The following MIA2 variants were observed in gnomAD, a reference collection of about 807,000 sequenced individuals.
The protein encoded by MIA2 is melanoma inhibitory activity protein 2.
A neutral mutation model predicts 167.8 loss-of-function variants in MIA2; 127 were observed. That is an observed-to-expected ratio of 0.76 (90% confidence interval 0.66 to 0.88). MIA2 has a LOEUF of 0.88. MIA2 is among the 40% of genes least tolerant of loss of function. The probability of loss-of-function intolerance (pLI) is 0.00; values close to 1 mark genes in which losing one functional copy is unlikely to be tolerated. For missense variants in MIA2, 1,690 were observed against 1,624.7 expected (o/e 1.04, Z -0.69); for synonymous variants, 552 against 541.9 (o/e 1.02, Z -0.26).
chr14:39,266,963 ACAG>A, intron 6 of MIA2: 1 of 692,536 alleles, frequency 1.4e-6, no homozygotes, highest in Non-Finnish European at 1.8e-6. Flanking sequence ...GGCTCACACG[ACAG>A]CGCGGAGTAT....
chr14:39,247,850 G>C lies in MIA2; in HGVS notation c.1276G>C (p.Glu426Gln). 2 of 1,587,000 alleles carry C rather than the reference G, an allele frequency of 1.3e-6. No individual in the cohort carries two copies. The highest frequency in any genetic ancestry group is 1.7e-6 in the Non-Finnish European group (2 of 1,172,790). The stretch of plus-strand genomic sequence containing the variant: ...TGAATTAGACCCTGAAAAAGAACAA[G>C]AAATAGAAACGATAAAAATTATAGA... The part of the protein sequence containing the change: ...TSELDPEKEQ[E>Q]IETIKIIETE... The change falls in exon 4 of 29, where the codon GAA (glutamate) becomes CAA (glutamine). Residue 426 changes from glutamate to glutamine, a missense_variant. Transcript: ENST00000640607.
intron 9 of MIA2, among the ~76,000 whole-genome samples, chr14:39,284,413 T>A (rs1480492059): frequency 6.6e-6 from 1 of 152,330 alleles, no homozygotes; most frequent in Non-Finnish European, 1.5e-5. Flanking sequence ...GTCTGTGTAT[T>A]TGTTTTTATA....
At chr14:39,322,614 CA>C (rs1342374895) in intron 24 of MIA2, among the ~76,000 whole-genome samples, 2 of 128,762 alleles carry the variant, frequency 1.6e-5, no homozygotes, top group African/African-American at 5.0e-5. Flanking sequence ...ATAGGTACCT[CA>C]GGCCTAATCA....
intron 6 of MIA2, chr14:39,266,637 G>A (rs530245022): frequency 2.0e-6 from 2 of 985,478 alleles, no homozygotes; most frequent in South Asian, 4.7e-5. Context: ...GTCCGGACGT[G>A]GTTGGCAGGG....
intron 25 of MIA2, among the ~76,000 whole-genome samples, chr14:39,332,102 C>T (rs946057747): frequency 6.6e-6 from 1 of 152,318 alleles, no homozygotes; most frequent in African/African-American, 2.4e-5. Context: ...TTGGTCTTTT[C>T]ACATAGTCCC....
chr14:39,302,861 T>A (rs1164327945), intron 15 of MIA2, among the ~76,000 whole-genome samples: 1 of 152,180 alleles, frequency 6.6e-6, no homozygotes, highest in Non-Finnish European at 1.5e-5. Flanking sequence ...AGAGGTCCCA[T>A]GTACCCCTCT....
intron 26 of MIA2, 72 bp downstream of exon 26, chr14:39,346,098 A>G: frequency 7.7e-7 from 1 of 1,302,138 alleles, no homozygotes. Context: ...GTTAGAATAA[A>G]GACCAATATA....
chr14:39,346,964 C>A, intron 26 of MIA2: 1 of 273,872 alleles, frequency 3.7e-6, no homozygotes, highest in Non-Finnish European at 7.3e-6. Context: ...GACAGAGTCT[C>A]TGTTGCCCAG....
chr14:39,300,287 C>T (rs917268921), intron 14 of MIA2, among the ~76,000 whole-genome samples: 10 of 151,826 alleles, frequency 6.6e-5, no homozygotes, highest in African/African-American at 2.4e-4. Context: ...GCTATCTGCT[C>T]CTGTTAGGAG....
intron 18 of MIA2, 73 bp downstream of exon 18, chr14:39,308,660 T>A: frequency 1.7e-6 from 2 of 1,152,552 alleles, no homozygotes; most frequent in Non-Finnish European, 2.4e-6. Flanking sequence ...CATAGTTAGC[T>A]ATAGTGATTA....
chr14:39,385,491 C>T, intron 23 of MIA2: 1 of 917,124 alleles, frequency 1.1e-6, no homozygotes, highest in South Asian at 1.3e-5. Flanking sequence ...TCTTGCTCTC[C>T]TGTGTCACAG....
intron 12 of MIA2, 67 bp from the exon 13 acceptor site, chr14:39,294,858 G>A (rs1171499477): frequency 8.0e-6 from 8 of 1,004,184 alleles, no homozygotes; most frequent in Admixed American, 3.8e-5. Context: ...GTTCTAGGGA[G>A]TATGTGTAAA....
chr14:39,290,669 T>C (rs537532030), intron 9 of MIA2, among the ~76,000 whole-genome samples: 22 of 152,338 alleles, frequency 1.4e-4, no homozygotes, highest in African/African-American at 4.8e-4. Flanking sequence ...ATACGCTCTT[T>C]GAGTAAATCT....
intron 6 of MIA2, among the ~76,000 whole-genome samples, chr14:39,263,590 T>C (rs1312533970): frequency 6.6e-6 from 1 of 151,232 alleles, no homozygotes; most frequent in Non-Finnish European, 1.5e-5. Flanking sequence ...TTCCTCTTAT[T>C]TTCTCTTTTC....
At chr14:39,293,158 A>T (rs2060959529) in intron 10 of MIA2, 113 bp from the exon 11 acceptor site, 3 of 759,650 alleles carry the variant, frequency 3.9e-6, no homozygotes, top group Non-Finnish European at 6.5e-6. Context: ...AAAATGAGCA[A>T]ATGTATAAAT....
chr14:39,244,374 T>A (rs900171751), intron 3 of MIA2, among the ~76,000 whole-genome samples: 1 of 152,178 alleles, frequency 6.6e-6, no homozygotes, highest in Non-Finnish European at 1.5e-5. Flanking sequence ...GGGGTATTTC[T>A]GAGCCCCAAC....
chr14:39,326,726 G>C (rs996582336), intron 24 of MIA2, 138 bp from the exon 25 acceptor site: 1 of 534,216 alleles, frequency 1.9e-6, no homozygotes, highest in Non-Finnish European at 3.0e-6. Context: ...AGGAATCATA[G>C]CAATTTACTT....
At chr14:39,291,603 C>CT (rs1048031169) in intron 10 of MIA2, among the ~76,000 whole-genome samples, 13 of 151,714 alleles carry the variant, frequency 8.6e-5, no homozygotes, top group East Asian at 5.8e-4. Context: ...TGTTTGACAA[C>CT]TTTTTTTTTA....
intron 25 of MIA2, among the ~76,000 whole-genome samples, chr14:39,330,193 T>C (rs551595128): frequency 6.6e-6 from 1 of 152,314 alleles, no homozygotes; most frequent in South Asian, 2.1e-4. Flanking sequence ...TGGTTTAGTC[T>C]TGTGAGGGTG....
Sources: allele counts gnomAD v4.1 joint callset (sites outside exome capture counted in the v4.1 genomes callset), GRCh38; gene constraint gnomAD v4.1.1; transcripts MANE v1.5; gene names NCBI Gene and HGNC (gene_info 2026-07-23, HGNC 2026-07-21).